Variants in RYR2 observed in about 807,000 individuals in gnomAD.
The protein encoded by RYR2 is ryanodine receptor 2, also known as cardiac muscle ryanodine receptor-calcium release channel.
Under a neutral mutation model 601.1 loss-of-function variants are expected in RYR2, and 227 were observed. That is an observed-to-expected ratio of 0.38 (90% CI 0.34 to 0.42). The LOEUF (loss-of-function observed/expected upper bound fraction) is 0.42. RYR2 is among the 10% of genes least tolerant of loss of function. RYR2 has a pLI of 1.00. For missense variants in RYR2, 4,646 were observed against 6,156.5 expected (o/e 0.75, Z 8.21); for synonymous variants, 2,223 against 2,175.1 (o/e 1.02, Z -0.61).
At chr1:237,315,677 G>T (rs558086059) in intron 2 of RYR2, among the ~76,000 whole-genome samples, 1 of 152,264 alleles carries the variant, frequency 6.6e-6, no homozygotes, top group African/African-American at 2.4e-5. Flanking sequence ...TGGAAAATAT[G>T]TTGTCCATAA....
At chr1:237,564,121 A>G (rs1671730076) in intron 27 of RYR2, among the ~76,000 whole-genome samples, 1 of 152,118 alleles carries the variant, frequency 6.6e-6, no homozygotes, top group African/African-American at 2.4e-5. Context: ...TATAGCTCAT[A>G]TTTATCTCTT....
chr1:237,492,027 T>A (rs1558910751), intron 18 of RYR2, 103 bp downstream of exon 18: 2 of 645,864 alleles, frequency 3.1e-6, no homozygotes, highest in Non-Finnish European at 5.5e-6. Context: ...TTCATGAGTG[T>A]TTTTAATCTC....
chr1:237,445,918 G>A (rs1207252420), intron 14 of RYR2, among the ~76,000 whole-genome samples: 2 of 152,118 alleles, frequency 1.3e-5, no homozygotes, highest in African/African-American at 2.4e-5. Flanking sequence ...CTGGGTTCAA[G>A]CGATTCTCCT....
intron 16 of RYR2, among the ~76,000 whole-genome samples, chr1:237,468,624 C>G (rs1660344596): frequency 6.6e-6 from 1 of 152,088 alleles, no homozygotes; most frequent in African/African-American, 2.4e-5. Context: ...CTCTGTATAC[C>G]TGTTAGAGTT....
chr1:237,419,127 A>G (rs1705302270), intron 11 of RYR2, among the ~76,000 whole-genome samples: 1 of 152,142 alleles, frequency 6.6e-6, no homozygotes, highest in South Asian at 2.1e-4. Flanking sequence ...CTAATTATAT[A>G]TGTAATTAAA....
At chr1:237,410,688 A>G (rs1474599052) in intron 10 of RYR2, among the ~76,000 whole-genome samples, 1 of 152,134 alleles carries the variant, frequency 6.6e-6, no homozygotes, top group Non-Finnish European at 1.5e-5. Context: ...TTTACAGAAA[A>G]AGTAGGTCTG....
chr1:237,753,871 T>C (rs953677962), intron 80 of RYR2, among the ~76,000 whole-genome samples: 26 of 152,084 alleles, frequency 1.7e-4, no homozygotes, highest in Non-Finnish European at 3.7e-4. Context: ...AAAAATTGTT[T>C]TTACATAATT....
intron 1 of RYR2, among the ~76,000 whole-genome samples, chr1:237,192,330 T>A (rs1026041983): frequency 2.0e-5 from 3 of 152,152 alleles, no homozygotes; most frequent in African/African-American, 7.2e-5. Flanking sequence ...TGCCTCAGCC[T>A]CCTGAGTAGC....
chr1:237,621,370 ATAAAC>A (rs1338236725), intron 38 of RYR2, among the ~76,000 whole-genome samples: 4 of 152,138 alleles, frequency 2.6e-5, no homozygotes, highest in African/African-American at 9.7e-5. Flanking sequence ...AAAGAGTAAA[ATAAAC>A]CTAAAGCAAG....
At position 237,411,800 on chromosome 1, in the gene RYR2, G is replaced by C. The variant is rs147175856; in HGVS notation, c.774-5249G>C. ...TGTGAAAGTGAGTCATCAACTTTTA[G>C]TTGCCCTGCAGAACAAACAAGAGAG... On this transcript the variant is annotated intron_variant, in intron 10 of 104. Transcript: ENST00000366574. Among the ~76,000 whole-genome samples the C allele has an allele frequency of 2.4e-3, 362 of 152,250 alleles. 4 individuals are homozygous for C. The highest frequency in any genetic ancestry group is 8.3e-3 in the African/African-American group (346 of 41,548).
intron 79 of RYR2, among the ~76,000 whole-genome samples, chr1:237,737,164 C>G (rs1473937694): frequency 6.6e-6 from 1 of 152,120 alleles, no homozygotes; most frequent in Non-Finnish European, 1.5e-5. Context: ...GAATTTGCCT[C>G]CATATTGATT....
intron 25 of RYR2, among the ~76,000 whole-genome samples, chr1:237,543,565 T>C (rs1669516808): frequency 6.6e-6 from 1 of 152,222 alleles, no homozygotes; most frequent in African/African-American, 2.4e-5. Flanking sequence ...AAGGGCTGAT[T>C]TGGCTTTGAA....
chr1:237,179,641 A>C lies in RYR2; in HGVS notation c.49-90856A>C, dbSNP rs142385081. Among the ~76,000 whole-genome samples the C allele has an allele frequency of 1.8e-3, 278 of 152,238 alleles. 4 individuals carry two copies. Among genetic ancestry groups the C allele is most frequent in the African/African-American group, 6.5e-3 (270 of 41,486 alleles). On this transcript the variant is annotated intron_variant, in intron 1 of 104. Coordinates refer to ENST00000366574, the MANE Select transcript of RYR2 (RefSeq NM_001035.3). ...ATAGCTGATATGTGATCTGGGCTAC[A>C]TACCGTCTCTCTGTATCCAGAATGT...
intron 2 of RYR2, among the ~76,000 whole-genome samples, chr1:237,273,169 T>A (rs1002804704): frequency 3.9e-5 from 6 of 152,080 alleles, no homozygotes; most frequent in African/African-American, 1.4e-4. Context: ...ACTAGATGGC[T>A]ATATCTGGGG....
chr1:237,377,299 T>G (rs770041527), intron 7 of RYR2, 24 bp from the exon 8 acceptor site: 1 of 1,542,016 alleles, frequency 6.5e-7, no homozygotes, highest in Non-Finnish European at 8.8e-7. Context: ...CTTTTTCATG[T>G]TTCACATATC....
chr1:237,422,662 T>G (rs1705712546), intron 11 of RYR2, among the ~76,000 whole-genome samples: 1 of 152,208 alleles, frequency 6.6e-6, no homozygotes, highest in African/African-American at 2.4e-5. Context: ...ATACTACTGT[T>G]TTTCAAGTCT....
intron 6 of RYR2, among the ~76,000 whole-genome samples, chr1:237,371,647 C>T (rs1018346993): frequency 1.4e-4 from 21 of 152,130 alleles, no homozygotes; most frequent in East Asian, 7.7e-4. Flanking sequence ...CAGAAGACTA[C>T]GTATCAATAA....
chr1:237,535,675 G>A (rs1668546045), intron 25 of RYR2, among the ~76,000 whole-genome samples: 1 of 152,122 alleles, frequency 6.6e-6, no homozygotes, highest in South Asian at 2.1e-4. Flanking sequence ...GCTATTATGA[G>A]CATAGATGCA....
At chr1:237,798,904 T>G (rs1659609115) in intron 97 of RYR2, among the ~76,000 whole-genome samples, 1 of 152,140 alleles carries the variant, frequency 6.6e-6, no homozygotes. Flanking sequence ...ACGTAATTGC[T>G]TATTGTAGTC....
Sources: gnomAD v4.1 joint callset for allele counts (sites outside exome capture counted in the v4.1 genomes callset) on GRCh38, gnomAD v4.1.1 for gene constraint, MANE v1.5 for transcripts, NCBI Gene and HGNC (gene_info 2026-07-23, HGNC 2026-07-21) for gene names.